MRPS6: variants seen among roughly 807,000 people sequenced by gnomAD.
MRPS6 encodes small ribosomal subunit protein bS6m.
Under a neutral mutation model 13.1 loss-of-function variants are expected in MRPS6, and 6 were observed. The observed-to-expected ratio is 0.46, with a 90% confidence interval of 0.25 to 0.91. MRPS6 has a LOEUF of 0.91. MRPS6 is among the 40% of genes least tolerant of loss of function. MRPS6 has a pLI of 0.18. For missense variants in MRPS6, 164 were observed against 155.6 expected, an observed-to-expected ratio of 1.05 and a Z score of -0.29; for synonymous variants, 61 against 56.5, an observed-to-expected ratio of 1.08 and a Z score of -0.36.
At chr21:34,078,520 A>C (rs1189815677) in intron 1 of MRPS6, among the ~76,000 whole-genome samples, 1 of 152,084 alleles carries the variant, frequency 6.6e-6, no homozygotes, top group Non-Finnish European at 1.5e-5. Flanking sequence ...TTCAATACTG[A>C]TGTTTCTAGA....
At position 34,142,628 on chromosome 21, in the gene MRPS6, T is replaced by C; in HGVS notation, c.*28T>C. 3 of 1,561,998 alleles carry C rather than the reference T, an allele frequency of 1.9e-6. No homozygotes were observed. The highest frequency in any genetic ancestry group is 2.6e-6 in the Non-Finnish European group (3 of 1,157,356). The stretch of plus-strand genomic sequence containing the variant: ...AGATTCGCCAGATTTTAGCCTTATA[T>C]GTAATTCCTTCACATTTGGGCAGCA... On this transcript the variant is annotated 3_prime_UTR_variant, in exon 3 of 3. Coordinates refer to ENST00000399312, the MANE Select transcript of MRPS6 (RefSeq NM_032476.4).
chr21:34,076,972 C>T (rs578050345), intron 1 of MRPS6, among the ~76,000 whole-genome samples: 2 of 152,198 alleles, frequency 1.3e-5, no homozygotes, highest in Non-Finnish European at 2.9e-5. Flanking sequence ...CAGGTAGCCT[C>T]ATTTCAGTGT....
chr21:34,119,468 T>C (rs985415790), intron 1 of MRPS6, among the ~76,000 whole-genome samples: 1 of 152,234 alleles, frequency 6.6e-6, no homozygotes, highest in African/African-American at 2.4e-5. Flanking sequence ...CAGCAAAGAA[T>C]GGGAAAGACT....
At chr21:34,100,044 A>C in intron 1 of MRPS6, 1 of 984,792 alleles carries the variant, frequency 1.0e-6, no homozygotes, top group African/African-American at 1.8e-5. Flanking sequence ...ATGGGTCCTA[A>C]ATGATGACAT....
chr21:34,109,341 G>T (rs1979606224), intron 1 of MRPS6, among the ~76,000 whole-genome samples: 1 of 152,148 alleles, frequency 6.6e-6, no homozygotes, highest in African/African-American at 2.4e-5. Flanking sequence ...GCAACGGCCT[G>T]GCTGTTTGTT....
At chr21:34,098,547 G>A (rs1314659520) in intron 1 of MRPS6, 1 of 1,000,096 alleles carries the variant, frequency 1.0e-6, no homozygotes, top group Non-Finnish European at 1.2e-6. Flanking sequence ...GGATGTTTCA[G>A]TGCAAACTGG....
chr21:34,107,031 A>G (rs1979509182), intron 1 of MRPS6, among the ~76,000 whole-genome samples: 1 of 152,124 alleles, frequency 6.6e-6, no homozygotes, highest in Non-Finnish European at 1.5e-5. Flanking sequence ...TCCTGAGTTC[A>G]AGCAATTCTC....
intron 2 of MRPS6, among the ~76,000 whole-genome samples, chr21:34,141,770 A>C (rs1292287821): frequency 1.3e-5 from 2 of 152,176 alleles, no homozygotes; most frequent in Non-Finnish European, 2.9e-5. Context: ...GGACCTTGTC[A>C]ATCTTTGAAG....
At chr21:34,089,262 C>G (rs1442719512) in intron 1 of MRPS6, among the ~76,000 whole-genome samples, 2 of 152,012 alleles carry the variant, frequency 1.3e-5, no homozygotes, top group Non-Finnish European at 2.9e-5. Context: ...AAGTGATCCA[C>G]CCGCCTTGGC....
intron 2 of MRPS6, among the ~76,000 whole-genome samples, chr21:34,127,397 A>T (rs1980346607): frequency 6.6e-6 from 1 of 152,220 alleles, no homozygotes; most frequent in Non-Finnish European, 1.5e-5. Context: ...GGTGTGTGTG[A>T]TCAATTAGAT....
At chr21:34,102,746 G>A (rs1979304714) in intron 1 of MRPS6, 1 of 1,000,066 alleles carries the variant, frequency 1.0e-6, no homozygotes, top group Non-Finnish European at 1.2e-6. Context: ...TTTTCGTAGT[G>A]TGGGAACAGT....
rs1979297563 is a variant in MRPS6 at position 34,102,624 on chromosome 21, ACT to A, written c.46-22714_46-22713del. ...ACCAATAACTGTACTTTATGTAATGACTCTTAAATTTGGTTACCTGGGTTCAC... is the reference window on the plus strand; with the variant it reads ...ACCAATAACTGTACTTTATGTAATGACTTAAATTTGGTTACCTGGGTTCAC... On this transcript the variant is annotated intron_variant, in intron 1 of 2. Transcript: ENST00000399312. 3.0e-6 allele frequency: 3 copies of A among 1,000,186 alleles called. No individual in the cohort carries two copies. In the African/African-American group the frequency reaches 5.2e-5, roughly 17 times the overall value. 62.0% of individuals were successfully genotyped at this position (1,000,186 alleles called of 1,614,324 possible).
chr21:34,105,737 T>A (rs1979448046), intron 1 of MRPS6: 3 of 998,184 alleles, frequency 3.0e-6, no homozygotes, highest in Non-Finnish European at 3.6e-6. Context: ...CCTTCTGTTG[T>A]CTACAGCTTT....
At chr21:34,124,119 C>G (rs1458744545) in intron 1 of MRPS6, 2 of 152,142 alleles carry the variant, frequency 1.3e-5, no homozygotes, top group African/African-American at 4.8e-5. Flanking sequence ...ATGTGTATTT[C>G]TCATCCACCT....
intron 1 of MRPS6, chr21:34,124,962 C>G (rs981573740): frequency 6.3e-6 from 1 of 158,638 alleles, no homozygotes; most frequent in African/African-American, 2.4e-5. Flanking sequence ...ACGAGATACT[C>G]TTCTCCTGGA....
chr21:34,082,437 G>C (rs901318329), intron 1 of MRPS6, among the ~76,000 whole-genome samples: 30 of 152,226 alleles, frequency 2.0e-4, no homozygotes, highest in Non-Finnish European at 2.1e-4. Context: ...CTTGTTTTAG[G>C]CATGTATTAG....
chr21:34,125,094 G>A, intron 1 of MRPS6: 1 of 458,158 alleles, frequency 2.2e-6, no homozygotes, highest in Non-Finnish European at 3.5e-6. Context: ...GAGCTGCCCT[G>A]GTCCCTGAAC....
chr21:34,100,614 A>G (rs1979192872), intron 1 of MRPS6: 1 of 1,000,134 alleles, frequency 1.0e-6, no homozygotes, highest in African/African-American at 1.7e-5. Flanking sequence ...TGATACCTCA[A>G]GAAATTAGCT....
At chr21:34,112,692 C>T (rs1364995571) in intron 1 of MRPS6, among the ~76,000 whole-genome samples, 1 of 152,098 alleles carries the variant, frequency 6.6e-6, no homozygotes, top group Non-Finnish European at 1.5e-5. Flanking sequence ...GATTATATAT[C>T]ATTTGACTGG....
Sources: gnomAD v4.1 joint callset for allele counts (sites outside exome capture counted in the v4.1 genomes callset) on GRCh38, gnomAD v4.1.1 for gene constraint, MANE v1.5 for transcripts, NCBI Gene and HGNC (gene_info 2026-07-23, HGNC 2026-07-21) for gene names.